The following RSF1 variants were observed in gnomAD, a reference collection of about 807,000 sequenced individuals.
RSF1 encodes HBV pX-associated protein 8.
Under a neutral mutation model 145.2 loss-of-function variants are expected in RSF1, and 13 were observed. That is an observed-to-expected ratio of 0.09 (90% CI 0.06 to 0.14). The LOEUF (loss-of-function observed/expected upper bound fraction) is 0.14. RSF1 is among the 10% of genes least tolerant of loss of function. RSF1 has a pLI of 1.00. For synonymous variants in RSF1, 577 were observed against 592.6 expected, an observed-to-expected ratio of 0.97 and a Z score of 0.38; for missense variants, 1,517 against 1,718.2, an observed-to-expected ratio of 0.88 and a Z score of 2.07.
In RSF1 at chr11:77,672,238, AAAAAAAG is replaced by A; in HGVS notation, c.3563-15_3563-9del. On this transcript the variant is annotated splice_polypyrimidine_tract_variant and intron_variant, in intron 14 of 15. Coordinates refer to ENST00000308488, the MANE Select transcript of RSF1 (RefSeq NM_016578.4). The stretch of plus-strand genomic sequence containing the variant: ...CATCACTGAAGTCACTTTCTATTTT[AAAAAAAG>A]GAAGAACAAAGTACAAAATTTAAGT... 6.4e-7 allele frequency: 1 copy of A among 1,572,490 alleles called. No individual in the cohort carries two copies. Among genetic ancestry groups the A allele is most frequent in the Non-Finnish European group, 8.6e-7 (1 of 1,164,360 alleles).
At chr11:77,859,070 G>A in the RSF1 span, among the ~76,000 whole-genome samples, 1 of 152,116 alleles carries the variant, frequency 6.6e-6, no homozygotes, top group Non-Finnish European at 1.5e-5. Flanking sequence ...TTTGGTGAAG[G>A]GTTTTAAATA....
intron 1 of RSF1, among the ~76,000 whole-genome samples, chr11:77,788,184 GT>G (rs1948479505): frequency 5.8e-5 from 4 of 69,122 alleles, no homozygotes; most frequent in African/African-American, 8.4e-5. Context: ...AAAATTAGGG[GT>G]AAAAAAAAAA....
intron 2 of RSF1, among the ~76,000 whole-genome samples, chr11:77,752,357 C>A (rs1446990741): frequency 6.6e-6 from 1 of 152,114 alleles, no homozygotes; most frequent in Non-Finnish European, 1.5e-5. Context: ...GGGAACATGG[C>A]ACAGCTCAGG....
rs1348754789 is a variant in RSF1 at position 77,736,428 on chromosome 11, GA to G, written c.578+4302del. The stretch of plus-strand genomic sequence containing the variant: ...TCTTTCAGAGTCTGCCATTCAAACA[GA>G]AATACCATGCTCCAGGTATGATCTC... On this transcript the variant is annotated intron_variant, in intron 4 of 15. Coordinates refer to ENST00000308488, the MANE Select transcript of RSF1 (RefSeq NM_016578.4). Among the ~76,000 whole-genome samples, 4 of 152,122 alleles carry G rather than the reference GA, an allele frequency of 2.6e-5. No homozygotes were observed. The East Asian group carries it at 7.7e-4, about 29-fold the overall frequency.
At chr11:77,820,225 G>A (rs1256192317) in intron 1 of RSF1, among the ~76,000 whole-genome samples, 1 of 152,130 alleles carries the variant, frequency 6.6e-6, no homozygotes, top group African/African-American at 2.4e-5. Flanking sequence ...CCGCGGAGAA[G>A]CAGTCCCCGG....
intron 1 of RSF1, among the ~76,000 whole-genome samples, chr11:77,777,957 TA>T (rs140620797): frequency 0.031 from 4,585 of 148,904 alleles, 112 homozygotes; most frequent in Non-Finnish European, 0.048. Context: ...GCATAAAATC[TA>T]ACCTAACAGA....
intron 14 of RSF1, among the ~76,000 whole-genome samples, chr11:77,673,304 G>A (rs1959604939): frequency 6.6e-6 from 1 of 152,186 alleles, no homozygotes; most frequent in South Asian, 2.1e-4. Flanking sequence ...AAATAGCATT[G>A]TTCCTGTCAT....
Position 77,701,912 on chromosome 11 carries a change from T to C in RSF1, c.1317A>G (p.Lys439=), listed in dbSNP as rs1319276765. The C allele has an allele frequency of 1.2e-6, 2 of 1,613,574 alleles. No individual in the cohort carries two copies. Among genetic ancestry groups the C allele is most frequent in the Non-Finnish European group, 1.7e-6 (2 of 1,179,688 alleles). Residue 439 remains lysine, a synonymous_variant, in exon 6 of 16, where the codon AAA becomes AAG. Transcript: ENST00000308488. The part of the protein sequence containing the change: ...STITALGHEG[K]QLVNGEVSDE... Reference sequence around the variant, plus strand: ...CACTAACTTCTCCATTTACCAGCTGTTTCCCTTCATGACCCAAAGCAGTGA... The same window carrying C: ...CACTAACTTCTCCATTTACCAGCTGCTTCCCTTCATGACCCAAAGCAGTGA...
chr11:77,704,798 G>A (rs1395882928), intron 5 of RSF1, among the ~76,000 whole-genome samples: 2 of 146,492 alleles, frequency 1.4e-5, no homozygotes, highest in Non-Finnish European at 3.0e-5. Flanking sequence ...TGTTGCCCAG[G>A]CTGGAGTGCA....
Position 77,661,810 on chromosome 11 carries a change from G to A in RSF1, c.*5107C>T, listed in dbSNP as rs1389860375. On this transcript the variant is annotated 3_prime_UTR_variant, in exon 16 of 16. Coordinates refer to ENST00000308488, the MANE Select transcript of RSF1 (RefSeq NM_016578.4). ...ACAAAATAAGTTAAATGATTCAGAA[G>A]GTTTTGAGCCATGAAGTTCCCCAAT... 4 of 149,230 alleles carry A rather than the reference G, an allele frequency of 2.7e-5. No homozygotes were observed. The highest frequency in any genetic ancestry group is 5.9e-5 in the Non-Finnish European group (4 of 67,480). The allele number at this position is 149,230 out of a possible 1,614,324, so 9.2% of individuals were successfully genotyped here. A position where few individuals can be genotyped will look rare whatever the true frequency, so the allele number is the denominator to read the frequency against.
intron 1 of RSF1, among the ~76,000 whole-genome samples, chr11:77,789,717 G>A (rs549220761): frequency 5.4e-4 from 82 of 152,254 alleles, no homozygotes; most frequent in African/African-American, 1.9e-3. Flanking sequence ...GGAATGCCCC[G>A]CACCTGCCCA....
rs1295168975 is a variant in RSF1 at position 77,700,807 on chromosome 11, C to T, written c.2422G>A (p.Glu808Lys). 6.2e-7 allele frequency: 1 copy of T among 1,611,882 alleles called. No homozygotes were observed. Among genetic ancestry groups the T allele is most frequent in the Non-Finnish European group, 8.5e-7 (1 of 1,179,770 alleles). The change falls in exon 6 of 16, where the codon GAA (glutamate) becomes AAA (lysine). Residue 808 changes from glutamate (E) to lysine (K), a missense_variant. Physicochemically the swap from Glu to Lys is moderately conservative, Grantham distance 56 (BLOSUM62 1). This residue lies in a region of RSF1 where 579 missense variants were observed against 553.5 expected (regional missense o/e 1.05). Transcript: ENST00000308488. ...KKRGEGEDEV[E>K]EESTALQKTD... ...TTTTGCAAAGCTGTTGACTCTTCTTCCACCTCATCTTCTCCTTCCCCTCTT... is the reference window on the plus strand; with the variant it reads ...TTTTGCAAAGCTGTTGACTCTTCTTTCACCTCATCTTCTCCTTCCCCTCTT...
intron 1 of RSF1, among the ~76,000 whole-genome samples, chr11:77,793,531 G>C (rs1948541781): frequency 1.3e-5 from 2 of 152,022 alleles, no homozygotes; most frequent in Admixed American, 6.6e-5. Flanking sequence ...ATGATGCCTA[G>C]AAAAAACACT....
At chr11:77,671,634 ATTTTT>A (rs145812199) in intron 15 of RSF1, among the ~76,000 whole-genome samples, 1 of 122,410 alleles carries the variant, frequency 8.2e-6, no homozygotes, top group Admixed American at 8.1e-5. Context: ...GGTTATATGG[ATTTTT>A]TTTTTTTTTT....
intron 1 of RSF1, among the ~76,000 whole-genome samples, chr11:77,774,080 C>T (rs912575194): frequency 1.3e-5 from 2 of 152,186 alleles, no homozygotes; most frequent in African/African-American, 4.8e-5. Context: ...TCCTAATTAT[C>T]TATCTTCTAT....
chr11:77,840,401 T>A, the RSF1 span, among the ~76,000 whole-genome samples: 1 of 152,034 alleles, frequency 6.6e-6, no homozygotes, highest in South Asian at 2.1e-4. Context: ...TGGTAGCACA[T>A]GCCTGTAATC....
chr11:77,810,629 T>C (rs1045919973), intron 1 of RSF1, among the ~76,000 whole-genome samples: 1 of 152,164 alleles, frequency 6.6e-6, no homozygotes, highest in Non-Finnish European at 1.5e-5. Flanking sequence ...GGCATAATCA[T>C]GGCTCACTGT....
rs1590894622 is a variant in RSF1 at position 77,800,250 on chromosome 11, G to A, written c.187+20278C>T. Among the ~76,000 whole-genome samples, 9 of 152,312 alleles carry A rather than the reference G, an allele frequency of 5.9e-5. No homozygotes were observed. In the South Asian group the frequency reaches 1.9e-3, roughly 32 times the overall value. ...CTCATACCTGTAATCCCAGCACTTT[G>A]GGAGGCCGATGTGGGTGGATCACTT... is the stretch of plus-strand genomic sequence containing the variant. On this transcript the variant is annotated intron_variant, in intron 1 of 15. Transcript: ENST00000308488.
At chr11:77,857,571 TTTTA>T in the RSF1 span, among the ~76,000 whole-genome samples, 9 of 152,246 alleles carry the variant, frequency 5.9e-5, no homozygotes, top group Non-Finnish European at 8.8e-5. Context: ...GATTATTTTG[TTTTA>T]TTTATTTATT....
Sources: allele counts gnomAD v4.1 joint callset (sites outside exome capture counted in the v4.1 genomes callset), GRCh38; gene constraint gnomAD v4.1.1; regional missense constraint gnomAD v4.1.1; transcripts MANE v1.5; gene names NCBI Gene and HGNC (gene_info 2026-07-23, HGNC 2026-07-21).